Variants in GLT1D1 observed in about 807,000 individuals in gnomAD.
GLT1D1 encodes glycosyltransferase 1 domain containing 1.
In GLT1D1, 21 loss-of-function variants were observed where a neutral mutation model predicts 28.7. The observed-to-expected ratio is 0.73, with a 90% CI of 0.52 to 1.05. GLT1D1 has a LOEUF of 1.05. Among genes scored for constraint, GLT1D1 ranks in the 50% least tolerant of loss-of-function variants. The pLI, the probability that GLT1D1 is intolerant of heterozygous loss-of-function variation, is 0.00. For synonymous variants in GLT1D1, 147 were observed against 124.8 expected, an observed-to-expected ratio of 1.18 and a Z score of -1.19; for missense variants, 343 against 330.6, an observed-to-expected ratio of 1.04 and a Z score of -0.29.
At chr12:128,927,280 C>T in intron 4 of GLT1D1, 126 bp downstream of exon 8, 11 of 750,992 alleles carry the variant, frequency 1.5e-5, no homozygotes, top group South Asian at 1.4e-4. Flanking sequence ...GCTCTGTCCC[C>T]CAGGCTGGAG....
chr12:128,892,233 T>A (rs1869143140), intron 3 of GLT1D1, among the ~76,000 whole-genome samples: 1 of 152,210 alleles, frequency 6.6e-6, no homozygotes, highest in Admixed American at 6.5e-5. Context: ...AGCTTTGTGA[T>A]TTGGGGGCCC....
intron 2 of GLT1D1, among the ~76,000 whole-genome samples, chr12:128,883,019 C>G (rs1427178098): frequency 6.6e-6 from 1 of 151,232 alleles, no homozygotes; most frequent in Non-Finnish European, 1.5e-5. Flanking sequence ...TCTGACTCCC[C>G]TGGTTCAAGC....
intron 7 of GLT1D1, among the ~76,000 whole-genome samples, chr12:128,978,967 C>T (rs770244085): frequency 4.6e-5 from 7 of 152,138 alleles, no homozygotes; most frequent in African/African-American, 4.8e-5. Context: ...TTTCCGCTGG[C>T]TGCTTTACTG....
intron 1 of GLT1D1, among the ~76,000 whole-genome samples, chr12:128,862,854 G>C (rs1434177383): frequency 6.6e-6 from 1 of 152,200 alleles, no homozygotes; most frequent in Non-Finnish European, 1.5e-5. Flanking sequence ...TTCTAGCATG[G>C]AAGACAGACA....
At chr12:128,914,984 G>T (rs1056085473) in intron 4 of GLT1D1, 1 of 1,535,198 alleles carries the variant, frequency 6.5e-7, no homozygotes, top group Non-Finnish European at 8.7e-7. Context: ...TTTCTTCAAC[G>T]CTCTGGTGAG....
chr12:128,918,119 T>G (rs1380628433), intron 4 of GLT1D1, among the ~76,000 whole-genome samples: 3 of 152,218 alleles, frequency 2.0e-5, no homozygotes, highest in Admixed American at 6.5e-5. Flanking sequence ...CGTGGAATAC[T>G]ATGCAGCCAT....
intron 7 of GLT1D1, among the ~76,000 whole-genome samples, chr12:128,977,779 CTTT>C (rs1163954822): frequency 8.7e-5 from 2 of 22,970 alleles, no homozygotes; most frequent in African/African-American, 1.4e-4. Flanking sequence ...TTTCTTTTTT[CTTT>C]TTTTTTTTTT....
At chr12:128,903,033 A>AG (rs1566117714) in intron 4 of GLT1D1, among the ~76,000 whole-genome samples, 2 of 151,466 alleles carry the variant, frequency 1.3e-5, no homozygotes, top group African/African-American at 2.4e-5. Context: ...AAAAAAAAAA[A>AG]AAAGAAAGAA....
intron 4 of GLT1D1, among the ~76,000 whole-genome samples, chr12:128,905,964 C>T (rs1023849729): frequency 1.3e-5 from 2 of 151,616 alleles, no homozygotes; most frequent in African/African-American, 2.4e-5. Context: ...TCCTGGGTAG[C>T]TGGGACTACA....
intron 4 of GLT1D1, chr12:128,944,373 CA>C: frequency 1.0e-6 from 1 of 979,512 alleles, no homozygotes; most frequent in Non-Finnish European, 1.6e-6. Context: ...AGAATGTTTC[CA>C]ACACCGCTTT....
At chr12:128,950,611 C>G (rs1876600726) in intron 6 of GLT1D1, among the ~76,000 whole-genome samples, 1 of 152,196 alleles carries the variant, frequency 6.6e-6, no homozygotes, top group East Asian at 1.9e-4. Flanking sequence ...ATGGTGCCCC[C>G]CCCTCACAGA....
chr12:128,940,413 A>G (rs1213331076), intron 4 of GLT1D1, among the ~76,000 whole-genome samples: 4 of 152,090 alleles, frequency 2.6e-5, no homozygotes, highest in Non-Finnish European at 4.4e-5. Flanking sequence ...TAGAGTTCTC[A>G]TTGGACAGAC....
chr12:128,853,497 C>CT lies in GLT1D1; in HGVS notation c.-84dup. On this transcript the variant is annotated 5_prime_UTR_variant, in exon 1 of 8. Coordinates refer to ENST00000281703, the MANE Select transcript of GLT1D1 (RefSeq NM_144669.3). ...GGCGGGACAGACCCAGCCGCCCCGG[C>CT]TCCCCCGCCGTCCGCGTCTGCGCCG... 1 of 977,102 alleles carries CT rather than the reference C, an allele frequency of 1.0e-6. No homozygotes were observed. Among genetic ancestry groups the CT allele is most frequent in the Non-Finnish European group, 1.2e-6 (1 of 818,632 alleles). The allele number at this position is 977,102 out of a possible 1,614,324, so 60.5% of individuals were successfully genotyped here. A position where few individuals can be genotyped will look rare whatever the true frequency, so the allele number is the denominator to read the frequency against.
intron 4 of GLT1D1, among the ~76,000 whole-genome samples, chr12:128,908,365 C>T (rs1048168457): frequency 2.9e-5 from 3 of 101,916 alleles, no homozygotes; most frequent in Non-Finnish European, 6.6e-5. Context: ...TCTTTCTTTT[C>T]TTTCTTTCTT....
intron 7 of GLT1D1, among the ~76,000 whole-genome samples, chr12:128,978,144 TC>T (rs1427020274): frequency 6.6e-6 from 1 of 151,710 alleles, no homozygotes; most frequent in African/African-American, 2.4e-5. Flanking sequence ...AAGCAGAAGA[TC>T]CTGAGTGGAC....
At chr12:128,919,971 CT>C (rs1197664632) in intron 4 of GLT1D1, among the ~76,000 whole-genome samples, 2 of 5,828 alleles carry the variant, frequency 3.4e-4, no homozygotes, top group Admixed American at 6.3e-3. Flanking sequence ...CTCTCTCTCT[CT>C]CTCTCTCTCT....
intron 6 of GLT1D1, among the ~76,000 whole-genome samples, chr12:128,947,724 A>T (rs1876275854): frequency 2.6e-5 from 4 of 152,188 alleles, no homozygotes. Flanking sequence ...TGACCTTCTA[A>T]ATATCTCTGA....
rs549803072 is a variant in GLT1D1, at chr12:128,978,768, G to T, written c.640-4161G>T. 3.9e-5 allele frequency among the ~76,000 whole-genome samples: 6 copies of T among 152,250 alleles called. No homozygotes were observed. The South Asian group carries it at 1.2e-3, about 32-fold the overall frequency. ...CAGAGCACCGTGAGGGCCGCTGTTT[G>T]CCCATTTTTATGGTATTTCTTGATG... is the stretch of plus-strand genomic sequence containing the variant. On this transcript the variant is annotated intron_variant, in intron 7 of 7. Coordinates refer to ENST00000281703, the MANE Select transcript of GLT1D1 (RefSeq NM_144669.3).
Position 128,957,598 on chromosome 12 carries a change from C to G in GLT1D1, c.594C>G (p.Ala198=), listed in dbSNP as rs150623517. ...CCAGGAACATCCCCGGGAATGCTGC[C>G]GTGGTGAAGCATGAAGTCACAGGGC... Residue 198 remains alanine (A), a synonymous_variant, in exon 7 of 8, where the codon GCC becomes GCG. Transcript: ENST00000281703. 1.9e-6 allele frequency: 3 copies of G among 1,613,832 alleles called. No individual in the cohort carries two copies. The highest frequency in any genetic ancestry group is 8.5e-7 in the Non-Finnish European group (1 of 1,179,784).
Sources: allele counts gnomAD v4.1 joint callset (sites outside exome capture counted in the v4.1 genomes callset), GRCh38; gene constraint gnomAD v4.1.1; transcripts MANE v1.5; gene names NCBI Gene and HGNC (gene_info 2026-07-23, HGNC 2026-07-21).